Variants in MAGI3 observed in about 807,000 individuals in gnomAD.
MAGI3 encodes membrane-associated guanylate kinase, WW and PDZ domain-containing protein 3.
In MAGI3, 43 loss-of-function variants were observed where a neutral mutation model predicts 121.8. The ratio of observed to expected loss-of-function variants is 0.35; its 90% confidence interval spans 0.28 to 0.46. The LOEUF (loss-of-function observed/expected upper bound fraction) is 0.46, where lower values mean the gene tolerates loss of function less well. Among genes scored for constraint, MAGI3 ranks in the 20% least tolerant of loss-of-function variants. The pLI is 1.00. For missense variants in MAGI3, 1,547 were observed against 1,797.3 expected (o/e 0.86, Z 2.52); for synonymous variants, 553 against 639.3 (o/e 0.86, Z 2.04).
At chr1:113,552,723 T>C (rs1395752561) in intron 2 of MAGI3, among the ~76,000 whole-genome samples, 3 of 152,190 alleles carry the variant, frequency 2.0e-5, no homozygotes, top group African/African-American at 7.2e-5. Flanking sequence ...TCCAAGCAGC[T>C]GTAGCCCTTT....
chr1:113,586,451 T>G (rs1488893130), intron 4 of MAGI3, among the ~76,000 whole-genome samples: 2 of 152,218 alleles, frequency 1.3e-5, no homozygotes, highest in African/African-American at 4.8e-5. Context: ...ATATGTATAT[T>G]TATTGAGTTA....
At position 113,430,453 on chromosome 1, in the gene MAGI3, G is replaced by A. The variant is rs184123094; in HGVS notation, c.316+39104G>A. ...AAATGTCTGAGTAATATTATACAAA[G>A]TCATATATGGCATTTGGCTTTGTGA... On this transcript the variant is annotated intron_variant, in intron 1 of 20. Coordinates refer to ENST00000307546, the MANE Select transcript of MAGI3 (RefSeq NM_001142782.2). 2.6e-3 allele frequency among the ~76,000 whole-genome samples: 396 copies of A among 152,238 alleles called. 2 individuals are homozygous for A. The highest frequency in any genetic ancestry group is 9.1e-3 in the African/African-American group (380 of 41,550).
chr1:113,627,009 A>C (rs971776958), intron 9 of MAGI3, among the ~76,000 whole-genome samples: 18 of 151,900 alleles, frequency 1.2e-4, no homozygotes, highest in Non-Finnish European at 2.9e-5. Context: ...GTTCTTCAAG[A>C]TGCATCATGA....
intron 6 of MAGI3, among the ~76,000 whole-genome samples, chr1:113,601,718 C>G (rs1000750885): frequency 6.9e-6 from 1 of 143,958 alleles, no homozygotes; most frequent in African/African-American, 2.6e-5. Context: ...CATCCCATTA[C>G]TGGGTATATA....
At chr1:113,655,140 G>A (rs535625042) in intron 15 of MAGI3, among the ~76,000 whole-genome samples, 4 of 152,242 alleles carry the variant, frequency 2.6e-5, no homozygotes, top group Admixed American at 1.3e-4. Flanking sequence ...ATAATATGGC[G>A]TGTGTCAGAA....
intron 1 of MAGI3, among the ~76,000 whole-genome samples, chr1:113,429,914 G>T (rs532699812): frequency 2.6e-5 from 4 of 152,038 alleles, no homozygotes; most frequent in African/African-American, 9.7e-5. Flanking sequence ...CACCATAAAG[G>T]CTGGATAGTT....
chr1:113,607,925 C>G (rs1267424692), intron 6 of MAGI3, among the ~76,000 whole-genome samples: 1 of 152,038 alleles, frequency 6.6e-6, no homozygotes, highest in African/African-American at 2.4e-5. Flanking sequence ...TCGTCTTTGC[C>G]ATATACCCAT....
At chr1:113,573,254 T>A (rs1647420785) in intron 2 of MAGI3, among the ~76,000 whole-genome samples, 1 of 152,202 alleles carries the variant, frequency 6.6e-6, no homozygotes, top group African/African-American at 2.4e-5. Flanking sequence ...ATTTGTTTGC[T>A]CTTGCTTCTC....
intron 2 of MAGI3, among the ~76,000 whole-genome samples, chr1:113,579,661 A>G (rs1353120629): frequency 6.6e-6 from 1 of 152,176 alleles, no homozygotes; most frequent in Non-Finnish European, 1.5e-5. Context: ...GGTACCAACA[A>G]TAAAGGTCCT....
chr1:113,528,288 C>G (rs1233485972), intron 1 of MAGI3, among the ~76,000 whole-genome samples: 2 of 148,846 alleles, frequency 1.3e-5, no homozygotes, highest in African/African-American at 2.4e-5. Context: ...CTTCACCTCC[C>G]CCAACCTTTT....
At chr1:113,629,661 T>C (rs1050308820) in intron 9 of MAGI3, among the ~76,000 whole-genome samples, 1 of 152,146 alleles carries the variant, frequency 6.6e-6, no homozygotes, top group Admixed American at 6.6e-5. Flanking sequence ...AGAAGAATTA[T>C]CTGGATTAAT....
intron 2 of MAGI3, among the ~76,000 whole-genome samples, chr1:113,573,559 A>T (rs754183184): frequency 5.9e-5 from 9 of 152,002 alleles, no homozygotes; most frequent in Non-Finnish European, 8.8e-5. Flanking sequence ...GGTCCGAGAG[A>T]GCGTTTGTTA....
Position 113,610,289 on chromosome 1 carries a change from C to T in MAGI3, c.1019-4312C>T, listed in dbSNP as rs149516731. ...AAGCGTTTTTTAATGCTGACCATGC[C>T]CTTCCTCTTCTGTCTTCTTTTACAC... On this transcript the variant is annotated intron_variant, in intron 6 of 20. Coordinates refer to ENST00000307546, the MANE Select transcript of MAGI3 (RefSeq NM_001142782.2). Among the ~76,000 whole-genome samples the T allele has an allele frequency of 5.1e-3, 776 of 151,958 alleles. 4 individuals are homozygous for T. The highest frequency in any genetic ancestry group is 0.018 in the African/African-American group (749 of 41,458).
At chr1:113,678,028 G>T (rs1319348385) in intron 19 of MAGI3, among the ~76,000 whole-genome samples, 1 of 151,844 alleles carries the variant, frequency 6.6e-6, no homozygotes, top group Non-Finnish European at 1.5e-5. Context: ...TAAAGCAATG[G>T]CTCCCCCTCC....
chr1:113,623,070 T>C (rs1256946079), intron 9 of MAGI3, 76 bp downstream of exon 9: 1 of 861,960 alleles, frequency 1.2e-6, no homozygotes, highest in African/African-American at 1.8e-5. Flanking sequence ...TTTATATACA[T>C]AAAGAGAGAG....
At chr1:113,437,806 TTTCTTCTTC>T (rs759591213) in intron 1 of MAGI3, among the ~76,000 whole-genome samples, 70 of 119,576 alleles carry the variant, frequency 5.9e-4, no homozygotes, top group African/African-American at 1.6e-3. Context: ...TCTTTCTTCT[TTTCTTCTTC>T]TTCTTCTTCT....
intron 1 of MAGI3, among the ~76,000 whole-genome samples, chr1:113,428,419 G>C (rs1653128843): frequency 2.6e-5 from 4 of 152,002 alleles, no homozygotes. Context: ...TTGCAGTATT[G>C]CCTTTCTTAT....
chr1:113,550,429 A>G (rs1006967288), intron 2 of MAGI3, among the ~76,000 whole-genome samples: 2 of 151,680 alleles, frequency 1.3e-5, no homozygotes, highest in Admixed American at 1.3e-4. Context: ...AAAAAAAAGT[A>G]GAAAGTAGAA....
At chr1:113,446,650 A>C (rs1278683593) in intron 1 of MAGI3, among the ~76,000 whole-genome samples, 2 of 152,248 alleles carry the variant, frequency 1.3e-5, no homozygotes, top group Non-Finnish European at 2.9e-5. Context: ...CTTTAGATCC[A>C]GAGACACAAA....
Sources: gnomAD v4.1 joint callset for allele counts (sites outside exome capture counted in the v4.1 genomes callset) on GRCh38, gnomAD v4.1.1 for gene constraint, MANE v1.5 for transcripts, NCBI Gene and HGNC (gene_info 2026-07-23, HGNC 2026-07-21) for gene names.